Variants in PKIB observed in about 807,000 individuals in gnomAD.
The protein encoded by PKIB is cAMP-dependent protein kinase inhibitor beta.
A neutral mutation model predicts 4.5 loss-of-function variants in PKIB; 2 were observed. The observed-to-expected ratio is 0.44, with a 90% CI of 0.18 to 1.39. PKIB has a LOEUF of 1.39. PKIB is among the 40% of genes most tolerant of loss of function. PKIB has a pLI of 0.27. For missense variants in PKIB, 94 were observed against 92.6 expected, an observed-to-expected ratio of 1.02 and a Z score of -0.06; for synonymous variants, 38 against 36.0, an observed-to-expected ratio of 1.06 and a Z score of -0.20.
chr6:122,605,932 T>G (rs1001733007), upstream of PKIB, among the ~76,000 whole-genome samples: 1 of 152,238 alleles, frequency 6.6e-6, no homozygotes, highest in Non-Finnish European at 1.5e-5. Flanking sequence ...ATCATGCCAG[T>G]GTCATCCAGC....
intron 2 of PKIB, among the ~76,000 whole-genome samples, chr6:122,491,883 C>T (rs1221945362): frequency 6.6e-6 from 1 of 152,124 alleles, no homozygotes; most frequent in Non-Finnish European, 1.5e-5. Context: ...TCTAAAGCTA[C>T]TCGGTAAAAA....
At chr6:122,714,282 C>A (rs995299633) in intron 3 of PKIB, among the ~76,000 whole-genome samples, 2 of 152,174 alleles carry the variant, frequency 1.3e-5, no homozygotes, top group Non-Finnish European at 2.9e-5. Context: ...ATATCAGTGG[C>A]AGACTGAAAG....
At chr6:122,629,420 A>C (rs192981927) in intron 1 of PKIB, among the ~76,000 whole-genome samples, 63 of 142,536 alleles carry the variant, frequency 4.4e-4, no homozygotes, top group African/African-American at 1.4e-3. Context: ...CATTATGAAT[A>C]AATAATTGAA....
intron 3 of PKIB, among the ~76,000 whole-genome samples, chr6:122,590,985 T>G (rs538311767): frequency 6.6e-6 from 1 of 152,194 alleles, no homozygotes; most frequent in East Asian, 1.9e-4. Context: ...TGCCCTTGCT[T>G]ATCATGGAGT....
intron 2 of PKIB, among the ~76,000 whole-genome samples, chr6:122,564,323 C>T (rs935166084): frequency 9.2e-5 from 14 of 152,202 alleles, no homozygotes; most frequent in African/African-American, 3.1e-4. Flanking sequence ...CTGTTCTGTC[C>T]GGAGCTGCAC....
At chr6:122,591,403 C>T (rs1341823433) in intron 3 of PKIB, among the ~76,000 whole-genome samples, 1 of 152,024 alleles carries the variant, frequency 6.6e-6, no homozygotes, top group Non-Finnish European at 1.5e-5. Flanking sequence ...TGCATAACAC[C>T]CCATAGATTT....
upstream of PKIB, among the ~76,000 whole-genome samples, chr6:122,607,214 C>CA (rs1303870201): frequency 6.6e-6 from 1 of 152,028 alleles, no homozygotes; most frequent in East Asian, 1.9e-4. Context: ...TGGCTTATGC[C>CA]TGAAATCCAA....
intron 2 of PKIB, chr6:122,478,481 T>C (rs542703497): frequency 1.3e-5 from 2 of 152,266 alleles, no homozygotes; most frequent in Non-Finnish European, 2.9e-5. Context: ...GCAGTTTAGA[T>C]GCCATGGGAG....
intron 4 of PKIB, among the ~76,000 whole-genome samples, chr6:122,720,868 A>G (rs1302515545): frequency 2.6e-5 from 4 of 151,938 alleles, no homozygotes; most frequent in African/African-American, 7.3e-5. Flanking sequence ...CACGCTGCTA[A>G]TATTTGTATT....
chr6:122,624,281 A>G (rs1369852482), intron 1 of PKIB, among the ~76,000 whole-genome samples: 3 of 152,202 alleles, frequency 2.0e-5, no homozygotes, highest in Admixed American at 2.0e-4. Context: ...TTAGGTAACA[A>G]GTTTTGCTTA....
At chr6:122,671,752 A>G (rs953589815) in intron 2 of PKIB, among the ~76,000 whole-genome samples, 5 of 152,144 alleles carry the variant, frequency 3.3e-5, no homozygotes, top group Admixed American at 6.6e-5. Flanking sequence ...TGGCATTTAC[A>G]TGTTATTTAT....
chr6:122,670,462 C>G (rs1385498903), intron 2 of PKIB, among the ~76,000 whole-genome samples: 1 of 151,270 alleles, frequency 6.6e-6, no homozygotes, highest in Non-Finnish European at 1.5e-5. Context: ...ACCAATCCAC[C>G]CATCACCCAT....
At chr6:122,722,642 C>T (rs1387149295) in intron 4 of PKIB, among the ~76,000 whole-genome samples, 1 of 152,090 alleles carries the variant, frequency 6.6e-6, no homozygotes, top group East Asian at 1.9e-4. Context: ...CCATTTTCTA[C>T]CAAGCTTATT....
chr6:122,697,461 C>G (rs1439477031), intron 3 of PKIB, among the ~76,000 whole-genome samples: 1 of 151,570 alleles, frequency 6.6e-6, no homozygotes, highest in Non-Finnish European at 1.5e-5. Context: ...GGCACCTGAC[C>G]AAGCAGAGAG....
At chr6:122,617,055 C>G (rs1775022309) in intron 1 of PKIB, among the ~76,000 whole-genome samples, 1 of 152,166 alleles carries the variant, frequency 6.6e-6, no homozygotes, top group South Asian at 2.1e-4. Context: ...AGCTAACTCA[C>G]TTATATTGGA....
At chr6:122,608,430 C>G (rs1182375919), upstream of PKIB, among the ~76,000 whole-genome samples, 3 of 152,202 alleles carry the variant, frequency 2.0e-5, no homozygotes, top group Non-Finnish European at 4.4e-5. Context: ...CTCAAAAACT[C>G]CTCCTTGCAC....
At chr6:122,549,965 A>G (rs1772626569) in intron 2 of PKIB, among the ~76,000 whole-genome samples, 1 of 151,614 alleles carries the variant, frequency 6.6e-6, no homozygotes, top group South Asian at 2.1e-4. Context: ...CCCAGGCTGG[A>G]ATGCAGTGGC....
intron 2 of PKIB, among the ~76,000 whole-genome samples, chr6:122,535,835 A>G (rs557381866): frequency 1.8e-4 from 28 of 152,320 alleles, no homozygotes; most frequent in African/African-American, 6.7e-4. Context: ...CTAATGAACT[A>G]ATATCTATAA....
At chr6:122,695,388 T>C (rs1351110379) in intron 3 of PKIB, among the ~76,000 whole-genome samples, 1 of 151,796 alleles carries the variant, frequency 6.6e-6, no homozygotes, top group Non-Finnish European at 1.5e-5. Flanking sequence ...CATTATTGTA[T>C]TGTATGTGTA....
Sources: gnomAD v4.1 joint callset for allele counts (sites outside exome capture counted in the v4.1 genomes callset) on GRCh38, gnomAD v4.1.1 for gene constraint, MANE v1.5 for transcripts, NCBI Gene and HGNC (gene_info 2026-07-23, HGNC 2026-07-21) for gene names.